The following GLRA3 variants were observed in gnomAD, a reference collection of about 807,000 sequenced individuals.
The protein encoded by GLRA3 is glycine receptor alpha 3.
In GLRA3, 44 loss-of-function variants were observed where a neutral mutation model predicts 60.4. That is an observed-to-expected ratio of 0.73 (90% CI 0.57 to 0.94). The LOEUF is 0.94. Ranked by LOEUF, GLRA3 falls within the 40% of genes least tolerant of loss-of-function variation. The pLI is 0.00. For missense variants in GLRA3, 508 were observed against 564.6 expected, an observed-to-expected ratio of 0.90 and a Z score of 1.02; for synonymous variants, 223 against 192.9, an observed-to-expected ratio of 1.16 and a Z score of -1.29.
In GLRA3 at chr4:174,666,297, T is replaced by C. The variant is rs114260572; in HGVS notation, c.928-7100A>G. Among the ~76,000 whole-genome samples, 199 of 152,234 alleles carry C rather than the reference T, an allele frequency of 1.3e-3. 1 individual carries two copies. The highest frequency in any genetic ancestry group is 4.4e-3 in the African/African-American group (184 of 41,552). On this transcript the variant is annotated intron_variant, in intron 7 of 9. Transcript: ENST00000274093. Reference sequence around the variant, plus strand: ...TAGCTTTGATCCTAAAATCTGACAGTCAACTTCCTAGTAGACAACGTATGA... The same window carrying C: ...TAGCTTTGATCCTAAAATCTGACAGCCAACTTCCTAGTAGACAACGTATGA...
chr4:174,674,370 A>AT (rs1447256139), intron 7 of GLRA3, among the ~76,000 whole-genome samples: 1 of 152,194 alleles, frequency 6.6e-6, no homozygotes, highest in Non-Finnish European at 1.5e-5. Flanking sequence ...TGGCCACCTG[A>AT]TACAGACACT....
At chr4:174,704,692 C>A (rs1735451783) in intron 5 of GLRA3, among the ~76,000 whole-genome samples, 1 of 143,486 alleles carries the variant, frequency 7.0e-6, no homozygotes, top group Admixed American at 7.2e-5. Flanking sequence ...TGAAAGTAAC[C>A]CATTTCCATC....
rs1451126195 is a variant in GLRA3 at position 174,704,292 on chromosome 4, T to A, written c.574+11196A>T. Among the ~76,000 whole-genome samples the A allele has an allele frequency of 5.6e-5, 8 of 143,050 alleles. 2 individuals are homozygous for A. In the Admixed American group the frequency reaches 5.8e-4, roughly 10 times the overall value. The allele number at this position is 143,050 out of a possible 152,430, so 93.8% of individuals were successfully genotyped here. A position where few individuals can be genotyped will look rare whatever the true frequency, so the allele number is the denominator to read the frequency against. On this transcript the variant is annotated intron_variant, in intron 5 of 9. Transcript: ENST00000274093. Reference sequence around the variant, plus strand: ...GCGGGCAACAGAGTCAGACCCTATATACAAAAAATGGTGACAGCTCTGAGT... The same window carrying A: ...GCGGGCAACAGAGTCAGACCCTATAAACAAAAAATGGTGACAGCTCTGAGT...
chr4:174,817,357 C>T (rs1313278699), intron 1 of GLRA3, among the ~76,000 whole-genome samples: 1 of 152,196 alleles, frequency 6.6e-6, no homozygotes, highest in Non-Finnish European at 1.5e-5. Flanking sequence ...TCCATTCCAG[C>T]CTTGAGCTGT....
intron 1 of GLRA3, among the ~76,000 whole-genome samples, chr4:174,806,716 G>A (rs1364750666): frequency 6.6e-6 from 1 of 151,978 alleles, no homozygotes; most frequent in Non-Finnish European, 1.5e-5. Flanking sequence ...TTTTATATAA[G>A]GGATTTGAAC....
intron 3 of GLRA3, among the ~76,000 whole-genome samples, chr4:174,739,336 A>G (rs753887739): frequency 1.3e-5 from 2 of 152,220 alleles, no homozygotes; most frequent in Non-Finnish European, 1.5e-5. Flanking sequence ...AACTCATTTC[A>G]GTAATGTAGA....
intron 3 of GLRA3, among the ~76,000 whole-genome samples, chr4:174,732,361 A>T (rs74692927): frequency 1.1e-4 from 15 of 139,312 alleles, no homozygotes; most frequent in Non-Finnish European, 1.7e-4. Flanking sequence ...CTCAAAAATT[A>T]AAAAAAAAAA....
Position 174,721,007 on chromosome 4 carries a change from TTGTGTG to T in GLRA3, c.492-5443_492-5438del, listed in dbSNP as rs10639932. On this transcript the variant is annotated intron_variant, in intron 4 of 9. Coordinates refer to ENST00000274093, the MANE Select transcript of GLRA3 (RefSeq NM_006529.4). ...TATGTTTTATAGAACTGTGTGAACT[TTGTGTG>T]TGTGTGTGTGTGTGTGTGTGTGTGT... Among the ~76,000 whole-genome samples, 101 of 141,550 alleles carry T rather than the reference TTGTGTG, an allele frequency of 7.1e-4. 1 individual carries two copies. Among genetic ancestry groups the T allele is most frequent in the Admixed American group, 1.8e-3 (25 of 14,068 alleles). The allele number at this position is 141,550 out of a possible 152,430, so 92.9% of individuals were successfully genotyped here.
intron 5 of GLRA3, among the ~76,000 whole-genome samples, chr4:174,710,835 A>G (rs4695954): frequency 0.2 from 30,299 of 151,462 alleles, 3,328 homozygotes; most frequent in South Asian, 0.32. Flanking sequence ...AGGTTCTGAG[A>G]TTTTTCAAAG....
chr4:174,798,320 A>T (rs1161681332), intron 1 of GLRA3, among the ~76,000 whole-genome samples: 2 of 152,142 alleles, frequency 1.3e-5, no homozygotes, highest in Admixed American at 1.3e-4. Context: ...CTTGTGAAAA[A>T]AAATTTAGTA....
At chr4:174,748,623 A>G (rs1256889829) in intron 3 of GLRA3, among the ~76,000 whole-genome samples, 2 of 152,130 alleles carry the variant, frequency 1.3e-5, no homozygotes, top group Non-Finnish European at 2.9e-5. Flanking sequence ...AAGGAGGGAA[A>G]TATGCCTCAA....
At position 174,790,381 on chromosome 4, in the gene GLRA3, A is replaced by ATT. The variant is rs549284627; in HGVS notation, c.72-1439_72-1438insAA. 7.8e-3 allele frequency among the ~76,000 whole-genome samples: 1,162 copies of ATT among 148,860 alleles called. 17 individuals are homozygous for ATT. Among genetic ancestry groups the ATT allele is most frequent in the African/African-American group, 0.027 (1,105 of 40,708 alleles). ...TACAAAAATCATTATAATAATAAATATATTTTTTTAAAAAAACCTATCTTC... is the reference window on the plus strand; with the variant it reads ...TACAAAAATCATTATAATAATAAATATTTATTTTTTTAAAAAAACCTATCTTC... On this transcript the variant is annotated intron_variant, in intron 1 of 9. Coordinates refer to ENST00000274093, the MANE Select transcript of GLRA3 (RefSeq NM_006529.4).
chr4:174,716,103 C>T (rs566797154), intron 4 of GLRA3, among the ~76,000 whole-genome samples: 8 of 152,218 alleles, frequency 5.3e-5, no homozygotes, highest in South Asian at 2.1e-4. Flanking sequence ...TCATATGTAA[C>T]GTTCAGTCAT....
intron 7 of GLRA3, among the ~76,000 whole-genome samples, chr4:174,675,464 C>T (rs961031757): frequency 3.3e-5 from 5 of 152,040 alleles, no homozygotes; most frequent in African/African-American, 1.2e-4. Context: ...TCTGTTGTGC[C>T]TTGTAGAAGC....
intron 3 of GLRA3, among the ~76,000 whole-genome samples, chr4:174,760,116 GTTAA>G (rs1235215157): frequency 4.6e-5 from 7 of 152,100 alleles, no homozygotes; most frequent in Non-Finnish European, 7.4e-5. Context: ...GTGTGTATGT[GTTAA>G]TTGTGTGTGT....
intron 3 of GLRA3, among the ~76,000 whole-genome samples, chr4:174,754,841 A>T (rs1213707034): frequency 6.6e-6 from 1 of 152,138 alleles, no homozygotes; most frequent in Non-Finnish European, 1.5e-5. Flanking sequence ...GGATCACTAT[A>T]TAAATAGGAG....
At chr4:174,796,787 A>G (rs1739588772) in intron 1 of GLRA3, among the ~76,000 whole-genome samples, 1 of 152,094 alleles carries the variant, frequency 6.6e-6, no homozygotes, top group Non-Finnish European at 1.5e-5. Context: ...CACCCTTCTC[A>G]GCCTCCCAAA....
chr4:174,803,044 T>A (rs1008861946), intron 1 of GLRA3, among the ~76,000 whole-genome samples: 1 of 152,070 alleles, frequency 6.6e-6, no homozygotes, highest in African/African-American at 2.4e-5. Flanking sequence ...GAAGGAGGAC[T>A]CCATTCAATA....
intron 7 of GLRA3, among the ~76,000 whole-genome samples, chr4:174,674,661 T>C (rs1262619842): frequency 6.6e-6 from 1 of 152,134 alleles, no homozygotes; most frequent in Non-Finnish European, 1.5e-5. Flanking sequence ...GATCACAAAA[T>C]TATGATTTAT....
Sources: gnomAD v4.1 joint callset for allele counts (sites outside exome capture counted in the v4.1 genomes callset) on GRCh38, gnomAD v4.1.1 for gene constraint, MANE v1.5 for transcripts, NCBI Gene and HGNC (gene_info 2026-07-23, HGNC 2026-07-21) for gene names.